The following SUCLA2 variants were observed in gnomAD, a reference collection of about 807,000 sequenced individuals.
The protein encoded by SUCLA2 is succinate--CoA ligase [ADP-forming] subunit beta, mitochondrial.
SUCLA2 carries 30 observed loss-of-function variants against 54.8 expected under a neutral mutation model. The ratio of observed to expected loss-of-function variants is 0.55; its 90% CI spans 0.41 to 0.74. The LOEUF (loss-of-function observed/expected upper bound fraction) is 0.74, where lower values mean the gene tolerates loss of function less well. Among genes scored for constraint, SUCLA2 ranks in the 30% least tolerant of loss-of-function variants. The pLI is 0.00. For missense variants in SUCLA2, 476 were observed against 562.9 expected (o/e 0.85, Z 1.56); for synonymous variants, 172 against 188.9 (o/e 0.91, Z 0.74).
At chr13:47,988,414 C>G (rs1950121791) in intron 4 of SUCLA2, 127 bp downstream of exon 4, 1 of 1,065,936 alleles carries the variant, frequency 9.4e-7, no homozygotes, top group African/African-American at 1.6e-5. Context: ...ATATCATGCT[C>G]ATGACATACA....
intron 4 of SUCLA2, among the ~76,000 whole-genome samples, chr13:47,976,681 ACTC>A (rs1309374877): frequency 6.6e-6 from 1 of 152,126 alleles, no homozygotes; most frequent in Non-Finnish European, 1.5e-5. Context: ...CAGGTTGAGT[ACTC>A]CTCATCTGAA....
chr13:47,965,611 A>T, intron 6 of SUCLA2: 2 of 398,508 alleles, frequency 5.0e-6, no homozygotes, highest in Non-Finnish European at 8.8e-6. Context: ...TGGATGTGAC[A>T]ACTCAATTCA....
chr13:47,951,989 T>TAAA (rs11404279), intron 8 of SUCLA2, among the ~76,000 whole-genome samples: 1 of 131,062 alleles, frequency 7.6e-6, no homozygotes. Flanking sequence ...CATGCCTTTG[T>TAAA]AAAAAAAAAA....
chr13:47,974,192 G>A (rs1018302193), intron 4 of SUCLA2, among the ~76,000 whole-genome samples: 1 of 152,036 alleles, frequency 6.6e-6, no homozygotes, highest in Non-Finnish European at 1.5e-5. Context: ...TAAAAGTATT[G>A]CTTAAAGCAT....
intron 8 of SUCLA2, among the ~76,000 whole-genome samples, chr13:47,950,440 C>T (rs1593477813): frequency 6.6e-6 from 1 of 152,266 alleles, no homozygotes; most frequent in South Asian, 2.1e-4. Context: ...TCTGGGGGTA[C>T]ATATGCATAG....
chr13:47,997,132 G>T, intron 1 of SUCLA2, 109 bp from the exon 2 acceptor site: 2 of 1,157,296 alleles, frequency 1.7e-6, no homozygotes, highest in Non-Finnish European at 1.3e-6. Flanking sequence ...CATTAGCAAA[G>T]TACAATATTC....
chr13:47,948,792 A>G (rs1237558297), intron 10 of SUCLA2, 148 bp downstream of exon 10: 1 of 794,202 alleles, frequency 1.3e-6, no homozygotes. Context: ...AACATCTTTC[A>G]GCAAGAGTCA....
intron 4 of SUCLA2, among the ~76,000 whole-genome samples, chr13:47,979,066 G>T (rs188463146): frequency 3.9e-5 from 6 of 152,298 alleles, no homozygotes; most frequent in Admixed American, 2.0e-4. Flanking sequence ...CACTTTTGGT[G>T]GGAGTGTAAA....
intron 1 of SUCLA2, 25 bp from the exon 2 acceptor site, chr13:47,997,048 T>C (rs768326809): frequency 6.2e-7 from 1 of 1,613,462 alleles, no homozygotes; most frequent in Non-Finnish European, 8.5e-7. Flanking sequence ...GACATATTTA[T>C]ATATGACAGT....
chr13:47,977,728 C>T (rs575777015), intron 4 of SUCLA2, among the ~76,000 whole-genome samples: 16 of 152,060 alleles, frequency 1.1e-4, no homozygotes, highest in East Asian at 3.9e-4. Flanking sequence ...TACCCTTTCA[C>T]GATAAAAATA....
At chr13:47,947,016 T>C (rs1417942281) in intron 10 of SUCLA2, among the ~76,000 whole-genome samples, 1 of 152,124 alleles carries the variant, frequency 6.6e-6, no homozygotes, top group East Asian at 1.9e-4. Context: ...CAAATTGTGC[T>C]CTCTAAATAC....
At chr13:47,971,229 T>C (rs1050535489) in intron 5 of SUCLA2, among the ~76,000 whole-genome samples, 6 of 152,052 alleles carry the variant, frequency 3.9e-5, no homozygotes, top group Non-Finnish European at 7.4e-5. Flanking sequence ...CCTGCCAATA[T>C]GGTGAAACCC....
chr13:47,965,499 A>AAC lies in SUCLA2; in HGVS notation c.802+3095_802+3096insGT, dbSNP rs1368969893. The AAC allele has an allele frequency of 5.4e-4, 204 of 376,852 alleles. 1 individual carries two copies. The highest frequency in any genetic ancestry group is 2.5e-3 in the South Asian group (18 of 7,194). The allele number at this position is 376,852 out of a possible 1,614,324, so 23.3% of individuals were successfully genotyped here. A position where few individuals can be genotyped will look rare whatever the true frequency, so the allele number is the denominator to read the frequency against. On this transcript the variant is annotated intron_variant, in intron 6 of 10. Transcript: ENST00000646932. The stretch of plus-strand genomic sequence containing the variant: ...GAAATAAATGACCCCTTCTTTAAAA[A>AAC]AAAAAAAACAAACAAACAAAAAAAA...
chr13:47,993,959 AGGAG>A, intron 2 of SUCLA2, among the ~76,000 whole-genome samples: 1 of 149,816 alleles, frequency 6.7e-6, no homozygotes, highest in African/African-American at 2.5e-5. Flanking sequence ...GCTTGAACCC[AGGAG>A]GCAGAGGTTG....
At chr13:47,964,713 C>T (rs1046151488) in intron 6 of SUCLA2, among the ~76,000 whole-genome samples, 16 of 151,936 alleles carry the variant, frequency 1.1e-4, no homozygotes, top group African/African-American at 2.9e-4. Context: ...AAAAATTAGC[C>T]GGGCGTGGTG....
chr13:47,953,207 C>G (rs949618439), intron 8 of SUCLA2, among the ~76,000 whole-genome samples: 3 of 152,118 alleles, frequency 2.0e-5, no homozygotes, highest in Admixed American at 2.0e-4. Context: ...CACTGTAACT[C>G]TTCATATACT....
chr13:47,945,094 A>G (rs1291162702), intron 10 of SUCLA2, among the ~76,000 whole-genome samples: 6 of 151,868 alleles, frequency 4.0e-5, no homozygotes, highest in African/African-American at 1.5e-4. Flanking sequence ...TACTAAAAAT[A>G]CATAATTAGC....
chr13:47,951,316 G>GC (rs200145201), intron 8 of SUCLA2, among the ~76,000 whole-genome samples: 1 of 53,974 alleles, frequency 1.9e-5, no homozygotes, highest in South Asian at 6.1e-4. Context: ...CCGCCACCCC[G>GC]CCCCCGCTCC....
intron 10 of SUCLA2, among the ~76,000 whole-genome samples, chr13:47,944,320 T>TCA (rs1310637401): frequency 6.6e-6 from 1 of 152,168 alleles, no homozygotes; most frequent in African/African-American, 2.4e-5. Context: ...GCTAATATCA[T>TCA]CATCATCTCA....
Sources: allele counts gnomAD v4.1 joint callset (sites outside exome capture counted in the v4.1 genomes callset), GRCh38; gene constraint gnomAD v4.1.1; transcripts MANE v1.5; gene names NCBI Gene and HGNC (gene_info 2026-07-23, HGNC 2026-07-21).